COG7: variants seen among roughly 807,000 people sequenced by gnomAD.
The protein encoded by COG7 is component of oligomeric golgi complex 7.
A neutral mutation model predicts 91.5 loss-of-function variants in COG7; 49 were observed. That is an observed-to-expected ratio of 0.54 (90% confidence interval 0.43 to 0.68). COG7 has a LOEUF of 0.68. COG7 is among the 30% of genes least tolerant of loss of function. The probability of loss-of-function intolerance (pLI) is 0.00; values close to 1 mark genes in which losing one functional copy is unlikely to be tolerated. For missense variants in COG7, 895 were observed against 961.3 expected (o/e 0.93, Z 0.91); for synonymous variants, 365 against 388.7 (o/e 0.94, Z 0.72).
Position 23,452,790 on chromosome 16 carries a change from G to A in COG7, c.169+36C>T, listed in dbSNP as rs368128996. Reference sequence around the variant, plus strand: ...GTGACCTCTGCCCAGCCGAGAGCAGGGGAGGGTCCCGCGGCCAGGGCCCCG... The same window carrying A: ...GTGACCTCTGCCCAGCCGAGAGCAGAGGAGGGTCCCGCGGCCAGGGCCCCG... On this transcript the variant is annotated intron_variant, in intron 1 of 16. Coordinates refer to ENST00000307149, the MANE Select transcript of COG7 (RefSeq NM_153603.4). The A allele has an allele frequency of 1.3e-5, 20 of 1,591,800 alleles. No individual in the cohort carries two copies. The South Asian group carries it at 1.5e-4, about 12-fold the overall frequency.
intron 11 of COG7, among the ~76,000 whole-genome samples, chr16:23,409,437 C>G (rs1249545250): frequency 1.3e-5 from 2 of 152,274 alleles, no homozygotes; most frequent in East Asian, 3.9e-4. Flanking sequence ...ATTTTCCTAG[C>G]ACCCATTACT....
intron 7 of COG7, among the ~76,000 whole-genome samples, chr16:23,423,970 C>T (rs1963802401): frequency 6.6e-6 from 1 of 152,236 alleles, no homozygotes; most frequent in African/African-American, 2.4e-5. Context: ...CCTAACACAG[C>T]TCCCCTGCCC....
At chr16:23,393,403 T>C in intron 14 of COG7, 56 bp from the exon 15 acceptor site, 1 of 1,360,328 alleles carries the variant, frequency 7.4e-7, no homozygotes, top group Non-Finnish European at 1.1e-6. Context: ...GTTATTACTT[T>C]ATGGGTACAT....
At chr16:23,389,522 A>T (rs1222703753) in intron 16 of COG7, among the ~76,000 whole-genome samples, 1 of 151,796 alleles carries the variant, frequency 6.6e-6, no homozygotes, top group Non-Finnish European at 1.5e-5. Context: ...AGCTGACCTC[A>T]CCCAAAGCTC....
At chr16:23,411,480 C>T (rs550762213) in intron 10 of COG7, among the ~76,000 whole-genome samples, 1 of 152,284 alleles carries the variant, frequency 6.6e-6, no homozygotes, top group East Asian at 1.9e-4. Context: ...ATAAGGGATA[C>T]AGTTAGCATC....
In COG7 at chr16:23,417,227, C is replaced by T. The variant is rs374350370; in HGVS notation, c.1138-106G>A. 2.9e-5 allele frequency: 35 copies of T among 1,206,598 alleles called. No homozygotes were observed. The South Asian group carries it at 3.0e-4, about 10-fold the overall frequency. 74.7% of individuals were successfully genotyped at this position (1,206,598 alleles called of 1,614,324 possible). A position where few individuals can be genotyped will look rare whatever the true frequency, so the allele number is the denominator to read the frequency against. On this transcript the variant is annotated intron_variant, in intron 8 of 16. Coordinates refer to ENST00000307149, the MANE Select transcript of COG7 (RefSeq NM_153603.4). ...CATCTGTAGTAAAATCACTTAATAACGATGTCAGAAATATAGTCCCAACGT... is the reference window on the plus strand; with the variant it reads ...CATCTGTAGTAAAATCACTTAATAATGATGTCAGAAATATAGTCCCAACGT...
intron 11 of COG7, among the ~76,000 whole-genome samples, chr16:23,407,673 C>T (rs947960124): frequency 3.3e-5 from 5 of 152,192 alleles, no homozygotes; most frequent in East Asian, 1.9e-4. Flanking sequence ...GGACAAAACA[C>T]GGACTGTTCT....
At chr16:23,426,170 G>A (rs1031408147) in intron 6 of COG7, among the ~76,000 whole-genome samples, 21 of 152,226 alleles carry the variant, frequency 1.4e-4, no homozygotes, top group African/African-American at 4.8e-4. Flanking sequence ...GAGCTGAGAT[G>A]TTGCCACTGC....
intron 3 of COG7, among the ~76,000 whole-genome samples, chr16:23,443,439 TC>T (rs1183251135): frequency 6.6e-6 from 1 of 152,174 alleles, no homozygotes. Context: ...GCCCCTGTAA[TC>T]CCAGCACTTT....
chr16:23,417,053 C>T lies in COG7; in HGVS notation c.1206G>A (p.Ala402=), dbSNP rs777152433. 46 of 1,614,118 alleles carry T rather than the reference C, an allele frequency of 2.8e-5. No individual in the cohort carries two copies. The highest frequency in any genetic ancestry group is 3.3e-4 in the Middle Eastern group (2 of 6,084). The change falls in exon 9 of 17, where the codon GCG becomes GCA. Residue 402 remains alanine (A), a synonymous_variant. Coordinates refer to ENST00000307149, the MANE Select transcript of COG7 (RefSeq NM_153603.4). The stretch of plus-strand genomic sequence containing the variant: ...TGACGCATCTGTCAACGGCTGCAGA[C>T]GCCAGACCAAACAGCTTGTTCACGG... ...SHSVNKLFGL[A]SAAVDRCVRF... is the part of the protein sequence containing the mutation.
Position 23,392,404 on chromosome 16 carries a change from C to T in COG7, c.2122G>A (p.Ala708Thr), listed in dbSNP as rs1963213617. The part of the protein sequence containing the change: ...LQIPELSPHS[A>T]KQLATDIDYL... ...CCGATGTCAGTGGCCAGCTGCTTGG[C>T]AGAGTGTGGGCTCAGCTCAGGGATC... Residue 708 changes from alanine (A) to threonine (T), a missense_variant, in exon 16 of 17, where the codon GCC becomes ACC. Transcript: ENST00000307149. 6.2e-7 allele frequency: 1 copy of T among 1,614,200 alleles called. No homozygotes were observed. The highest frequency in any genetic ancestry group is 8.5e-7 in the Non-Finnish European group (1 of 1,180,034).
intron 11 of COG7, among the ~76,000 whole-genome samples, chr16:23,407,136 A>G (rs557827720): frequency 6.6e-6 from 1 of 152,344 alleles, no homozygotes; most frequent in Admixed American, 6.5e-5. Context: ...TCAAAAACAG[A>G]TCCTTGAGTT....
chr16:23,393,283 G>A lies in COG7; in HGVS notation c.1952C>T (p.Ala651Val). 1 of 1,614,126 alleles carries A rather than the reference G, an allele frequency of 6.2e-7. No individual in the cohort carries two copies. The highest frequency in any genetic ancestry group is 2.2e-5 in the East Asian group (1 of 44,876). Residue 651 changes from alanine to valine, a missense_variant, in exon 15 of 17, where the codon GCC (alanine) becomes GTC (valine). Physicochemically the swap from Ala to Val is moderately conservative, Grantham distance 64. Transcript: ENST00000307149. ...LEPFVTQEDS[A>V]LELALHAGKL... ...TCCAGCGTGCAATGCCAACTCTAAG[G>A]CAGAGTCCTCCTGAGTCACAAATGG...
In COG7 at chr16:23,452,926, G is replaced by A. The variant is rs369785066; in HGVS notation, c.69C>T (p.Ala23=). ...TCCCGGACGCCGCCTCCTTGGAGCC[G>A]GCCCTGAAGGCCGCATTGATCCACT... ...VKEWINAAFR[A]GSKEAASGKA... The change falls in exon 1 of 17, where the codon GCC becomes GCT. Residue 23 remains alanine (A), a synonymous_variant. Transcript: ENST00000307149. The A allele has an allele frequency of 2.2e-5, 36 of 1,613,964 alleles. No homozygotes were observed. The highest frequency in any genetic ancestry group is 2.8e-5 in the Non-Finnish European group (33 of 1,179,998).
Position 23,452,811 on chromosome 16 carries a change from C to A in COG7, c.169+15G>T. On this transcript the variant is annotated intron_variant, in intron 1 of 16. Transcript: ENST00000307149. ...GCAGGGGAGGGTCCCGCGGCCAGGG[C>A]CCCGAGCGGCTCACCCTCCACGGCG... is the stretch of plus-strand genomic sequence containing the variant. The A allele has an allele frequency of 6.2e-7, 1 of 1,606,694 alleles. No individual in the cohort carries two copies. Among genetic ancestry groups the A allele is most frequent in the Non-Finnish European group, 8.5e-7 (1 of 1,177,420 alleles).
chr16:23,435,164 G>A lies in COG7; in HGVS notation c.605-446C>T, dbSNP rs1963995049. On this transcript the variant is annotated intron_variant, in intron 4 of 16. Transcript: ENST00000307149. ...GGATCACCTGAGGTCAGGAGTTCGA[G>A]ACCAGCCTGGCCAACATGGCAAAAC... is the stretch of plus-strand genomic sequence containing the variant. Among the ~76,000 whole-genome samples the A allele has an allele frequency of 1.3e-5, 2 of 152,166 alleles. 1 individual carries two copies. The highest frequency in any genetic ancestry group is 4.1e-4 in the South Asian group (2 of 4,832).
chr16:23,402,505 G>T (rs1963394737), intron 13 of COG7, among the ~76,000 whole-genome samples: 1 of 152,146 alleles, frequency 6.6e-6, no homozygotes, highest in Non-Finnish European at 1.5e-5. Context: ...TGTGGCCAGT[G>T]CTATGCTAAA....
intron 4 of COG7, among the ~76,000 whole-genome samples, chr16:23,441,489 C>G (rs1051617275): frequency 6.6e-6 from 1 of 152,122 alleles, no homozygotes; most frequent in Non-Finnish European, 1.5e-5. Context: ...ACAGGAGAAT[C>G]GCTTGAGCCT....
intron 6 of COG7, among the ~76,000 whole-genome samples, chr16:23,427,483 A>G (rs1430683402): frequency 1.3e-5 from 2 of 152,010 alleles, no homozygotes; most frequent in Non-Finnish European, 2.9e-5. Context: ...CAAAAGAAAA[A>G]AAAAAAACAA....
Sources: gnomAD v4.1 joint callset for allele counts (sites outside exome capture counted in the v4.1 genomes callset) on GRCh38, gnomAD v4.1.1 for gene constraint, MANE v1.5 for transcripts, NCBI Gene and HGNC (gene_info 2026-07-23, HGNC 2026-07-21) for gene names.